The following VAT1L variants were observed in gnomAD, a reference collection of about 807,000 sequenced individuals.
VAT1L encodes vesicle amine transport 1 like.
Under a neutral mutation model 44.1 loss-of-function variants are expected in VAT1L, and 34 were observed. The ratio of observed to expected loss-of-function variants is 0.77; its 90% confidence interval spans 0.59 to 1.03. VAT1L has a LOEUF of 1.03. Among genes scored for constraint, VAT1L ranks in the 50% least tolerant of loss-of-function variants. The probability of loss-of-function intolerance (pLI) is 0.00; values close to 1 mark genes in which losing one functional copy is unlikely to be tolerated. For missense variants in VAT1L, 615 were observed against 538.8 expected (o/e 1.14, Z -1.40); for synonymous variants, 253 against 202.2 (o/e 1.25, Z -2.13).
intron 3 of VAT1L, among the ~76,000 whole-genome samples, chr16:77,857,836 C>CTT (rs5818094): frequency 6.3e-5 from 9 of 143,498 alleles, no homozygotes; most frequent in African/African-American, 1.8e-4. Flanking sequence ...TTATCTCTCT[C>CTT]TTTTTTTTTT....
chr16:77,878,285 C>G (rs1407647841), intron 5 of VAT1L, among the ~76,000 whole-genome samples: 1 of 152,208 alleles, frequency 6.6e-6, no homozygotes, highest in Non-Finnish European at 1.5e-5. Context: ...AACTTATTAA[C>G]TGGCTACTAG....
At chr16:77,824,191 G>A (rs2016492081) in intron 2 of VAT1L, among the ~76,000 whole-genome samples, 1 of 152,126 alleles carries the variant, frequency 6.6e-6, no homozygotes, top group Non-Finnish European at 1.5e-5. Context: ...ATGAAGGAGG[G>A]CTCTGCATTG....
At chr16:77,902,732 T>TTGC (rs60274726) in intron 7 of VAT1L, among the ~76,000 whole-genome samples, 6 of 106,948 alleles carry the variant, frequency 5.6e-5, no homozygotes, top group Admixed American at 3.1e-4. Flanking sequence ...GATGGGGGGG[T>TTGC]GGGGGGGGTG....
intron 7 of VAT1L, among the ~76,000 whole-genome samples, chr16:77,947,979 C>G (rs1597115878): frequency 6.6e-6 from 1 of 152,290 alleles, no homozygotes. Context: ...AGGCTGGTCT[C>G]AAACTCCTGA....
At chr16:77,904,416 A>C (rs1217444406) in intron 7 of VAT1L, among the ~76,000 whole-genome samples, 1 of 152,168 alleles carries the variant, frequency 6.6e-6, no homozygotes, top group Non-Finnish European at 1.5e-5. Flanking sequence ...GGAGACTGGG[A>C]ATTTCAAGAT....
At chr16:77,928,791 G>A (rs760698599) in intron 7 of VAT1L, among the ~76,000 whole-genome samples, 13 of 151,608 alleles carry the variant, frequency 8.6e-5, no homozygotes, top group Non-Finnish European at 1.6e-4. Flanking sequence ...AGTCTTCTAA[G>A]TCACTGTGCC....
chr16:77,832,395 C>T (rs530052906), intron 3 of VAT1L, among the ~76,000 whole-genome samples: 2 of 152,278 alleles, frequency 1.3e-5, no homozygotes, highest in African/African-American at 2.4e-5. Context: ...TCTTAGCTTT[C>T]CCTACCATGA....
intron 7 of VAT1L, among the ~76,000 whole-genome samples, chr16:77,970,054 A>G (rs2018262680): frequency 4.9e-5 from 3 of 61,848 alleles, no homozygotes; most frequent in South Asian, 4.9e-4. Flanking sequence ...TCTCTACTAA[A>G]AAAAAAAAAA....
At chr16:77,938,458 G>A (rs181152991) in intron 7 of VAT1L, among the ~76,000 whole-genome samples, 2 of 152,326 alleles carry the variant, frequency 1.3e-5, no homozygotes, top group Admixed American at 6.5e-5. Context: ...AATCCCCAGT[G>A]TTGGAGGAGG....
intron 7 of VAT1L, among the ~76,000 whole-genome samples, chr16:77,912,055 A>C (rs2017504915): frequency 6.6e-6 from 1 of 152,166 alleles, no homozygotes; most frequent in Non-Finnish European, 1.5e-5. Flanking sequence ...ATACCTCTTC[A>C]GTTCCTCTAA....
chr16:77,902,594 G>A (rs1451923584), intron 7 of VAT1L, among the ~76,000 whole-genome samples: 2 of 151,984 alleles, frequency 1.3e-5, no homozygotes, highest in South Asian at 2.1e-4. Context: ...CCCTCAACAA[G>A]CTGTACAAGG....
intron 7 of VAT1L, among the ~76,000 whole-genome samples, chr16:77,907,110 C>A (rs2017445841): frequency 1.3e-5 from 2 of 152,196 alleles, no homozygotes; most frequent in Non-Finnish European, 2.9e-5. Context: ...AAAAGCCCTG[C>A]TGTGTAGCAT....
At chr16:77,911,354 G>A (rs1369856416) in intron 7 of VAT1L, among the ~76,000 whole-genome samples, 5 of 152,164 alleles carry the variant, frequency 3.3e-5, no homozygotes, top group African/African-American at 1.2e-4. Flanking sequence ...CAGCCCTGGG[G>A]AGACCAGACC....
At chr16:77,899,610 T>G (rs928166059) in intron 7 of VAT1L, among the ~76,000 whole-genome samples, 1 of 152,246 alleles carries the variant, frequency 6.6e-6, no homozygotes, top group Non-Finnish European at 1.5e-5. Flanking sequence ...GTGTGTCATT[T>G]TCATAGCTTC....
rs147462738 is a variant in VAT1L, at chr16:77,879,384, T to C, written c.882+160T>C. Among the ~76,000 whole-genome samples the C allele has an allele frequency of 0.016, 2,441 of 152,264 alleles. 70 individuals are homozygous for C. Among genetic ancestry groups the C allele is most frequent in the African/African-American group, 0.056 (2,317 of 41,548 alleles). On this transcript the variant is annotated intron_variant, in intron 6 of 8. Coordinates refer to ENST00000302536, the MANE Select transcript of VAT1L (RefSeq NM_020927.3). This position sits in a 1 kb window ranked among gnomAD's most constrained non-coding sequence, Gnocchi z 4.1. ...CGGCTCATGGCAACCTCCGACTCCC[T>C]GGTTCAAGCGATTCTCCTGCCTCAG...
chr16:77,943,623 C>T (rs1293036351), intron 7 of VAT1L, among the ~76,000 whole-genome samples: 2 of 150,534 alleles, frequency 1.3e-5, no homozygotes, highest in Non-Finnish European at 1.5e-5. Context: ...AGGATGGTCT[C>T]GATTTCCTGA....
intron 7 of VAT1L, among the ~76,000 whole-genome samples, chr16:77,945,437 C>T (rs2017949299): frequency 6.6e-6 from 1 of 151,954 alleles, no homozygotes; most frequent in East Asian, 1.9e-4. Context: ...CAGGCACTCA[C>T]CATCATGCCC....
chr16:77,874,889 C>T (rs1489214353), intron 4 of VAT1L, among the ~76,000 whole-genome samples: 1 of 144,140 alleles, frequency 6.9e-6, no homozygotes, highest in East Asian at 2.2e-4. Flanking sequence ...AAGTAACTGG[C>T]TTAGATCAGT....
At chr16:77,802,236 A>C (rs1421811948) in intron 1 of VAT1L, among the ~76,000 whole-genome samples, 1 of 152,080 alleles carries the variant, frequency 6.6e-6, no homozygotes, top group African/African-American at 2.4e-5. Context: ...TTGTATCCTT[A>C]AGATAGCTAG....
Sources: allele counts gnomAD v4.1 joint callset (sites outside exome capture counted in the v4.1 genomes callset), GRCh38; gene constraint gnomAD v4.1.1; non-coding constraint Gnocchi (gnomAD v3.1); transcripts MANE v1.5; gene names NCBI Gene and HGNC (gene_info 2026-07-23, HGNC 2026-07-21).